Variants in ANKS4B observed in about 807,000 individuals in gnomAD.
ANKS4B encodes the protein ankyrin repeat and SAM domain-containing protein 4B.
ANKS4B carries 21 observed loss-of-function variants against 20.2 expected under a neutral mutation model. The observed-to-expected ratio is 1.04, with a 90% CI of 0.74 to 1.50. ANKS4B has a LOEUF of 1.50. ANKS4B is among the 40% of genes most tolerant of loss of function. ANKS4B has a pLI of 0.00. For missense variants in ANKS4B, 473 were observed against 494.6 expected (o/e 0.96, Z 0.41); for synonymous variants, 179 against 194.5 (o/e 0.92, Z 0.66).
chr16:21,247,546 C>A (rs1050289891), intron 1 of ANKS4B, among the ~76,000 whole-genome samples: 2 of 152,216 alleles, frequency 1.3e-5, no homozygotes, highest in Non-Finnish European at 2.9e-5. Flanking sequence ...TCACTGTCCT[C>A]TTTCCATGGG....
rs376311491 is a variant in ANKS4B at position 21,237,861 on chromosome 16, G to C, written c.164+3960G>C. On this transcript the variant is annotated intron_variant, in intron 1 of 1. Coordinates refer to ENST00000311620, the MANE Select transcript of ANKS4B (RefSeq NM_145865.3). ...AGTACCCATTTTGGCCAACATGATA[G>C]GTCCAAAATGATATATTAGGCTGGG... 1.6e-4 allele frequency among the ~76,000 whole-genome samples: 25 copies of C among 152,176 alleles called. No homozygotes were observed. In the East Asian group the frequency reaches 3.3e-3, roughly 20 times the overall value.
intron 1 of ANKS4B, among the ~76,000 whole-genome samples, chr16:21,240,833 T>C (rs1954568986): frequency 6.6e-6 from 1 of 151,436 alleles, no homozygotes; most frequent in African/African-American, 2.4e-5. Flanking sequence ...TTCTGTCACC[T>C]AGGCTGGAGT....
rs118031089 is a variant in ANKS4B at position 21,239,748 on chromosome 16, A to G, written c.164+5847A>G. Among the ~76,000 whole-genome samples, 839 of 152,328 alleles carry G rather than the reference A, an allele frequency of 5.5e-3. 8 individuals carry two copies. Among genetic ancestry groups the G allele is most frequent in the Non-Finnish European group, 8.4e-3 (568 of 68,022 alleles). Reference sequence around the variant, plus strand: ...TGCAGTCGAAAAAGAATGAGATCACATATTTTGTGGGAACATGGGTGGAGA... The same window carrying G: ...TGCAGTCGAAAAAGAATGAGATCACGTATTTTGTGGGAACATGGGTGGAGA... On this transcript the variant is annotated intron_variant, in intron 1 of 1. Coordinates refer to ENST00000311620, the MANE Select transcript of ANKS4B (RefSeq NM_145865.3).
intron 1 of ANKS4B, among the ~76,000 whole-genome samples, chr16:21,235,669 G>T (rs2093319508): frequency 6.6e-6 from 1 of 152,178 alleles, no homozygotes; most frequent in South Asian, 2.1e-4. Context: ...CTGGATGTGG[G>T]CAGATAAAGG....
rs560474206 is a variant in ANKS4B at position 21,250,852 on chromosome 16, T to A, written c.*32T>A. The A allele has an allele frequency of 6.4e-7, 1 of 1,550,396 alleles. No homozygotes were observed. Among genetic ancestry groups the A allele is most frequent in the Non-Finnish European group, 8.7e-7 (1 of 1,145,468 alleles). ...GTTTTGGCCTGGAGCATTGGGGTGA[T>A]GCTGTGGCCCGCTGGCAGCACTCCA... On this transcript the variant is annotated 3_prime_UTR_variant, in exon 2 of 2. Transcript: ENST00000311620.
chr16:21,249,942 A>T lies in ANKS4B; in HGVS notation c.376A>T (p.Ile126Phe). 1 of 1,614,210 alleles carries T rather than the reference A, an allele frequency of 6.2e-7. No individual in the cohort carries two copies. ...LLDKAATAQN[I>F]MNPKKVTRLK... ...GGACAAGGCTGCCACTGCACAGAAC[A>T]TCATGAACCCCAAGAAGGTCACCAG... is the stretch of plus-strand genomic sequence containing the variant. The change falls in exon 2 of 2, where the codon ATC becomes TTC. Residue 126 changes from isoleucine to phenylalanine, a missense_variant. Transcript: ENST00000311620.
Position 21,233,821 on chromosome 16 carries a change from G to A in ANKS4B, c.84G>A (p.Ser28=), listed in dbSNP as rs376343890. The change falls in exon 1 of 2, where the codon TCG becomes TCA. Residue 28 remains serine (S), a synonymous_variant. Coordinates refer to ENST00000311620, the MANE Select transcript of ANKS4B (RefSeq NM_145865.3). ...CTACCAAGCGAGATCTAAATCTTTC[G>A]GATGAAGACGGCATGACTCCTACTC... ...KEATKRDLNL[S]DEDGMTPTLL... is the part of the protein sequence containing the mutation. 1.4e-5 allele frequency: 23 copies of A among 1,613,888 alleles called. No homozygotes were observed. The highest frequency in any genetic ancestry group is 1.2e-4 in the Admixed American group (7 of 59,998).
In ANKS4B at chr16:21,233,726, T is replaced by C. The variant is rs1259184291; in HGVS notation, c.-12T>C. 6.2e-7 allele frequency: 1 copy of C among 1,612,176 alleles called. No individual in the cohort carries two copies. Among genetic ancestry groups the C allele is most frequent in the South Asian group, 1.1e-5 (1 of 90,478 alleles). On this transcript the variant is annotated 5_prime_UTR_variant, in exon 1 of 2. Transcript: ENST00000311620. The stretch of plus-strand genomic sequence containing the variant: ...GGAGAGACATCTGGCCAAGTTCTGG[T>C]GAGCAGGAAAAATGTCTACTCGTTA...
Position 21,250,784 on chromosome 16 carries a change from T to C in ANKS4B, c.1218T>C (p.Leu406=), listed in dbSNP as rs534423752. The C allele has an allele frequency of 1.2e-6, 2 of 1,600,032 alleles. No individual in the cohort carries two copies. The highest frequency in any genetic ancestry group is 2.3e-5 in the East Asian group (1 of 44,436). The change falls in exon 2 of 2, where the codon CTT becomes CTC. Residue 406 remains leucine (L), a synonymous_variant. Transcript: ENST00000311620. ...CTATCAACAGGAGGAAGCAGGTGCT[T>C]CAACAGCCTGGGCAGCTGGTCGACA... is the stretch of plus-strand genomic sequence containing the variant. ...LNAINRRKQV[L]QQPGQLVDTS... is the part of the protein sequence containing the mutation.
chr16:21,250,664 A>G lies in ANKS4B; in HGVS notation c.1098A>G (p.Arg366=). The part of the protein sequence containing the change: ...HLEEFLPIFK[R]EQIDLEALLL... ...AAGAATTCCTGCCTATCTTCAAGAG[A>G]GAGCAGATTGATCTAGAAGCTCTGC... The change falls in exon 2 of 2, where the codon AGA becomes AGG. Residue 366 remains arginine (R), a synonymous_variant. Transcript: ENST00000311620. 6.2e-7 allele frequency: 1 copy of G among 1,613,776 alleles called. No homozygotes were observed. Among genetic ancestry groups the G allele is most frequent in the Non-Finnish European group, 8.5e-7 (1 of 1,179,662 alleles).
intron 1 of ANKS4B, among the ~76,000 whole-genome samples, chr16:21,243,268 T>G (rs2093328509): frequency 6.6e-6 from 1 of 152,054 alleles, no homozygotes; most frequent in Non-Finnish European, 1.5e-5. Flanking sequence ...GAAAAATGGG[T>G]TATTTTAAAA....
Position 21,250,359 on chromosome 16 carries a change from A to G in ANKS4B, c.793A>G (p.Ile265Val). ...GGACGGCAGTGTGCACCATGAATCC[A>G]TTCTCAATCGTCCAGGTCTAGGAAG... ...EEDGSVHHES[I>V]LNRPGLGSIV... Residue 265 changes from isoleucine (I) to valine (V), a missense_variant, in exon 2 of 2, where the codon ATT becomes GTT. By Grantham distance (29) the Ile-to-Val change is conservative (BLOSUM62 3). Coordinates refer to ENST00000311620, the MANE Select transcript of ANKS4B (RefSeq NM_145865.3). 2 of 1,614,222 alleles carry G rather than the reference A, an allele frequency of 1.2e-6. No individual in the cohort carries two copies. Among genetic ancestry groups the G allele is most frequent in the Non-Finnish European group, 1.7e-6 (2 of 1,180,058 alleles).
rs1567228229 is a variant in ANKS4B at position 21,251,572 on chromosome 16, T to TC, written c.*754dup. 1.3e-5 allele frequency: 2 copies of TC among 152,280 alleles called. No homozygotes were observed. The highest frequency in any genetic ancestry group is 2.9e-5 in the Non-Finnish European group (2 of 68,062). 9.4% of individuals were successfully genotyped at this position (152,280 alleles called of 1,614,324 possible). A position where few individuals can be genotyped will look rare whatever the true frequency, so the allele number is the denominator to read the frequency against. On this transcript the variant is annotated 3_prime_UTR_variant, in exon 2 of 2. Transcript: ENST00000311620. ...CCTGGGAATTCCAATTCTTTTTCTC[T>TC]CCTGAGATCTATGACTTTGCCTAGT...
chr16:21,238,685 G>GT (rs1167001020), intron 1 of ANKS4B, among the ~76,000 whole-genome samples: 1 of 152,082 alleles, frequency 6.6e-6, no homozygotes, highest in East Asian at 1.9e-4. Context: ...ACAATTAGTT[G>GT]TTATAGTCTA....
At chr16:21,242,137 A>G (rs1458200373) in intron 1 of ANKS4B, among the ~76,000 whole-genome samples, 4 of 152,196 alleles carry the variant, frequency 2.6e-5, no homozygotes, top group Non-Finnish European at 4.4e-5. Flanking sequence ...GTATCCTTTG[A>G]CCAACTCCCC....
At chr16:21,247,070 CTT>C (rs766409434) in intron 1 of ANKS4B, among the ~76,000 whole-genome samples, 26 of 139,186 alleles carry the variant, frequency 1.9e-4, no homozygotes, top group Admixed American at 1.4e-4. Context: ...TTTTGGTTTG[CTT>C]TTTTTTTTTT....
At chr16:21,242,989 T>A (rs1443120559) in intron 1 of ANKS4B, among the ~76,000 whole-genome samples, 1 of 152,246 alleles carries the variant, frequency 6.6e-6, no homozygotes, top group Non-Finnish European at 1.5e-5. Context: ...CTATTCTTTT[T>A]AATCGTTGCC....
At chr16:21,243,787 A>C (rs954537313) in intron 1 of ANKS4B, 3 of 152,082 alleles carry the variant, frequency 2.0e-5, no homozygotes, top group East Asian at 1.9e-4. Context: ...GTTAGCCAGG[A>C]TGGTCTTGAT....
chr16:21,234,483 T>TACACAC (rs34242527), intron 1 of ANKS4B, among the ~76,000 whole-genome samples: 29,708 of 124,450 alleles, frequency 0.24, 3,257 homozygotes, highest in East Asian at 0.35. Context: ...AGTGGATAGA[T>TACACAC]ACACACACAC....
Sources: gnomAD v4.1 joint callset for allele counts (sites outside exome capture counted in the v4.1 genomes callset) on GRCh38, gnomAD v4.1.1 for gene constraint, MANE v1.5 for transcripts, NCBI Gene and HGNC (gene_info 2026-07-23, HGNC 2026-07-21) for gene names.